HSPG2: variants seen among roughly 807,000 people sequenced by gnomAD.
HSPG2 encodes heparan sulfate proteoglycan 2, also known as basement membrane-specific heparan sulfate proteoglycan core protein.
In HSPG2, 278 loss-of-function variants were observed where a neutral mutation model predicts 526.6. The ratio of observed to expected loss-of-function variants is 0.53; its 90% CI spans 0.48 to 0.58. The LOEUF is 0.58. HSPG2 is among the 20% of genes least tolerant of loss of function. The pLI is 0.00. For missense variants in HSPG2, 5,354 were observed against 6,099.5 expected (o/e 0.88, Z 4.07); for synonymous variants, 2,465 against 2,555.4 (o/e 0.96, Z 1.07).
In HSPG2 at chr1:21,842,884, G is replaced by A. The variant is rs1177899678; in HGVS notation, c.8796C>T (p.Ser2932=). Residue 2932 remains serine (S), a synonymous_variant, in exon 67 of 97, where the codon TCC becomes TCT. Coordinates refer to ENST00000374695, the MANE Select transcript of HSPG2 (RefSeq NM_005529.7). ...GLAQPIYIEA[S]SSHVTEGQTL... The stretch of plus-strand genomic sequence containing the variant: ...TCTGCCCTTCAGTCACGTGTGAAGA[G>A]GAGGCCTCGATGTAGATGGGCTGGG... The A allele has an allele frequency of 6.2e-7, 1 of 1,614,160 alleles. No individual in the cohort carries two copies. The highest frequency in any genetic ancestry group is 8.5e-7 in the Non-Finnish European group (1 of 1,180,038).
At chr1:21,880,959 GGCA>G in intron 14 of HSPG2, 124 bp from the exon 15 acceptor site, 1 of 1,027,352 alleles carries the variant, frequency 9.7e-7, no homozygotes, top group Non-Finnish European at 1.5e-6. Context: ...CTGTGTGCCA[GGCA>G]CTGAGCTAGG....
At position 21,878,778 on chromosome 1, in the gene HSPG2, A is replaced by G. The variant is rs926579062; in HGVS notation, c.2472-115T>C. 19 of 1,221,542 alleles carry G rather than the reference A, an allele frequency of 1.6e-5. No individual in the cohort carries two copies. In the African/African-American group the frequency reaches 2.7e-4, roughly 17 times the overall value. The allele number at this position is 1,221,542 out of a possible 1,614,324, so 75.7% of individuals were successfully genotyped here. A position where few individuals can be genotyped will look rare whatever the true frequency, so the allele number is the denominator to read the frequency against. On this transcript the variant is annotated intron_variant, in intron 18 of 96. Transcript: ENST00000374695. ...ACAGTGTGCCACGAGGCATGACGCC[A>G]TCTCCCTGCCCGGCAGCCTCACAGC... is the stretch of plus-strand genomic sequence containing the variant.
chr1:21,854,542 G>C (rs764967147), intron 49 of HSPG2, 69 bp downstream of exon 49: 1 of 1,503,192 alleles, frequency 6.7e-7, no homozygotes, highest in African/African-American at 1.4e-5. Flanking sequence ...CCCGCCCAGC[G>C]TACAGGCCCC....
intron 6 of HSPG2, chr1:21,888,833 G>C (rs1236245278): frequency 1.6e-6 from 1 of 638,664 alleles, no homozygotes. Context: ...AAAAGTGAGA[G>C]AGGAGGGCTG....
intron 1 of HSPG2, among the ~76,000 whole-genome samples, chr1:21,913,049 G>A (rs137975492): frequency 3.5e-4 from 53 of 152,034 alleles, no homozygotes; most frequent in African/African-American, 1.2e-3. Flanking sequence ...GCCGTGAGAA[G>A]AGAGAGGAGC....
Position 21,854,254 on chromosome 1 carries a change from CT to C in HSPG2, c.6377del (p.Lys2126ArgfsTer46). 1 of 1,590,912 alleles carries C rather than the reference CT, an allele frequency of 6.3e-7. No individual in the cohort carries two copies. ...VCRVENGSGP[K>X]EASITVSVLH... ...GCACAGACACAGTAATGGAGGCCTC[CT>C]TGGGGCCCGATCCATTCTCCACACG... On this transcript the variant is annotated frameshift_variant, in exon 50 of 97. Coordinates refer to ENST00000374695, the MANE Select transcript of HSPG2 (RefSeq NM_005529.7). LOFTEE classifies it high-confidence loss of function.
In HSPG2 at chr1:21,859,654, G is replaced by A. The variant is rs527726646; in HGVS notation, c.5205C>T (p.Ser1735=). ...RHQGSELHFP[S]VQPSDAGVYI... is the part of the protein sequence containing the mutation. The stretch of plus-strand genomic sequence containing the variant: ...AGACCCCAGCATCCGAGGGCTGGAC[G>A]CTGGGGAAGTGGAGCTCGGAGCCTG... Residue 1735 remains serine (S), a synonymous_variant, in exon 42 of 97, where the codon AGC becomes AGT. Transcript: ENST00000374695. This position sits in a 1 kb window ranked among gnomAD's most constrained non-coding sequence, Gnocchi z 5.3. 21 of 1,608,662 alleles carry A rather than the reference G, an allele frequency of 1.3e-5. No individual in the cohort carries two copies. Among genetic ancestry groups the A allele is most frequent in the Middle Eastern group, 1.7e-4 (1 of 6,056 alleles).
chr1:21,919,622 A>G (rs77558543), intron 1 of HSPG2, among the ~76,000 whole-genome samples: 178 of 152,248 alleles, frequency 1.2e-3, no homozygotes, highest in African/African-American at 4.0e-3. Context: ...TTTCAGGATG[A>G]AATGAGACAG....
intron 55 of HSPG2, 74 bp from the exon 56 acceptor site, chr1:21,850,572 C>T: frequency 6.8e-7 from 1 of 1,459,920 alleles, no homozygotes; most frequent in South Asian, 1.4e-5. Context: ...CCCTGCCTCA[C>T]TCTGACCCCC....
intron 1 of HSPG2, among the ~76,000 whole-genome samples, chr1:21,919,999 C>T (rs541605530): frequency 2.5e-4 from 38 of 152,304 alleles, no homozygotes; most frequent in Admixed American, 5.2e-4. Context: ...TGCCGCCTCC[C>T]GGGTTCAAGC....
At chr1:21,912,325 C>A (rs1033864413) in intron 1 of HSPG2, among the ~76,000 whole-genome samples, 1 of 152,152 alleles carries the variant, frequency 6.6e-6, no homozygotes, top group African/African-American at 2.4e-5. Flanking sequence ...CAGGCACTTA[C>A]GAGGTGTAAG....
At chr1:21,907,559 G>T (rs1224072542) in intron 1 of HSPG2, among the ~76,000 whole-genome samples, 2 of 152,058 alleles carry the variant, frequency 1.3e-5, no homozygotes, top group Admixed American at 1.3e-4. Flanking sequence ...TTTTAACAGG[G>T]TTCTGCTCTG....
intron 1 of HSPG2, among the ~76,000 whole-genome samples, chr1:21,930,511 C>T (rs1459711820): frequency 2.0e-5 from 3 of 152,216 alleles, no homozygotes; most frequent in Non-Finnish European, 4.4e-5. Flanking sequence ...CAGTGGCTCA[C>T]GCCTGTAATC....
chr1:21,866,522 A>C (rs906619294), intron 33 of HSPG2, among the ~76,000 whole-genome samples: 2 of 152,228 alleles, frequency 1.3e-5, no homozygotes, highest in Non-Finnish European at 2.9e-5. Context: ...CTGGAGAACC[A>C]AGATAAAGCC....
chr1:21,883,808 C>G (rs1641676360), intron 13 of HSPG2, among the ~76,000 whole-genome samples: 1 of 152,204 alleles, frequency 6.6e-6, no homozygotes, highest in Non-Finnish European at 1.5e-5. Context: ...GGACCTGAGC[C>G]CCAGTCCAGG....
At position 21,859,517 on chromosome 1, in the gene HSPG2, G is replaced by A. The variant is rs1639617685; in HGVS notation, c.5293+49C>T. On this transcript the variant is annotated intron_variant, in intron 42 of 96. Coordinates refer to ENST00000374695, the MANE Select transcript of HSPG2 (RefSeq NM_005529.7). This position sits in a 1 kb window ranked among gnomAD's most constrained non-coding sequence, Gnocchi z 5.3. ...CATCTGCCTGAATCTGCAGCCTGCA[G>A]CCCAGCCCAGGACAGGCAGTCTTGG... The A allele has an allele frequency of 7.1e-7, 1 of 1,410,550 alleles. No individual in the cohort carries two copies. Among genetic ancestry groups the A allele is most frequent in the African/African-American group, 1.4e-5 (1 of 70,410 alleles). The allele number at this position is 1,410,550 out of a possible 1,614,324, so 87.4% of individuals were successfully genotyped here. A position where few individuals can be genotyped will look rare whatever the true frequency, so the allele number is the denominator to read the frequency against.
intron 1 of HSPG2, among the ~76,000 whole-genome samples, chr1:21,926,074 C>T (rs1644182981): frequency 6.6e-6 from 1 of 152,056 alleles, no homozygotes; most frequent in Non-Finnish European, 1.5e-5. Flanking sequence ...AAGCAATCTG[C>T]CCTCCTAGGC....
Position 21,865,093 on chromosome 1 carries a change from G to A in HSPG2, c.4396-20C>T, listed in dbSNP as rs762959885. 30 of 1,555,900 alleles carry A rather than the reference G, an allele frequency of 1.9e-5. No homozygotes were observed. Among genetic ancestry groups the A allele is most frequent in the African/African-American group, 1.8e-4 (13 of 73,636 alleles). The stretch of plus-strand genomic sequence containing the variant: ...GAATTCCTGGGTTGGGGGTGGCAAC[G>A]TGGGCGGGGGCAGTGGGCTTTGTGG... On this transcript the variant is annotated intron_variant, in intron 35 of 96. Coordinates refer to ENST00000374695, the MANE Select transcript of HSPG2 (RefSeq NM_005529.7). This position sits in a 1 kb window ranked among gnomAD's most constrained non-coding sequence, Gnocchi z 5.4.
rs956293572 is a variant in HSPG2 at position 21,835,369 on chromosome 1, A to G, written c.10453+171T>C. ...CCTTCTTCCCTCCCTTGAAATATGT[A>G]TCAAGCCCCTTTTACTCTATGCTAG... On this transcript the variant is annotated intron_variant, in intron 76 of 96. Transcript: ENST00000374695. The G allele has an allele frequency of 4.6e-6, 3 of 654,996 alleles. No individual in the cohort carries two copies. In the African/African-American group the frequency reaches 5.4e-5, roughly 12 times the overall value. The allele number at this position is 654,996 out of a possible 1,614,324, so 40.6% of individuals were successfully genotyped here.
Sources: gnomAD v4.1 joint callset for allele counts (sites outside exome capture counted in the v4.1 genomes callset) on GRCh38, gnomAD v4.1.1 for gene constraint, Gnocchi (gnomAD v3.1) non-coding constraint, MANE v1.5 for transcripts, NCBI Gene and HGNC (gene_info 2026-07-23, HGNC 2026-07-21) for gene names.